Variants in CACHD1 observed in about 807,000 individuals in gnomAD.
CACHD1 encodes cache domain containing 1.
In CACHD1, 71 loss-of-function variants were observed where a neutral mutation model predicts 138.7. The ratio of observed to expected loss-of-function variants is 0.51; its 90% CI spans 0.42 to 0.62. The LOEUF is 0.62. Among genes scored for constraint, CACHD1 ranks in the 20% least tolerant of loss-of-function variants. CACHD1 has a pLI of 0.00. For synonymous variants in CACHD1, 578 were observed against 591.5 expected (o/e 0.98, Z 0.33); for missense variants, 1,389 against 1,625.3 (o/e 0.85, Z 2.50).
At chr1:64,676,618 G>A (rs990858420) in intron 21 of CACHD1, among the ~76,000 whole-genome samples, 1 of 152,164 alleles carries the variant, frequency 6.6e-6, no homozygotes, top group Non-Finnish European at 1.5e-5. Flanking sequence ...CTGCAGGCAT[G>A]TGATTCCCAA....
intron 1 of CACHD1, among the ~76,000 whole-genome samples, chr1:64,529,662 A>AG (rs1321363792): frequency 6.6e-6 from 1 of 152,238 alleles, no homozygotes; most frequent in Non-Finnish European, 1.5e-5. Context: ...GAAGGAACTT[A>AG]GGGCTTAGGT....
chr1:64,589,576 C>T (rs1647080702), intron 3 of CACHD1, among the ~76,000 whole-genome samples: 1 of 151,832 alleles, frequency 6.6e-6, no homozygotes, highest in South Asian at 2.1e-4. Flanking sequence ...ACATGGTAGG[C>T]TGGCAAGCTG....
chr1:64,496,072 T>G (rs745341772), intron 1 of CACHD1, among the ~76,000 whole-genome samples: 1 of 152,166 alleles, frequency 6.6e-6, no homozygotes, highest in Admixed American at 6.5e-5. Context: ...CTGGCCCATG[T>G]CCCAGACAAT....
chr1:64,617,275 A>G (rs1200271052), intron 4 of CACHD1, among the ~76,000 whole-genome samples: 1 of 151,966 alleles, frequency 6.6e-6, no homozygotes, highest in Non-Finnish European at 1.5e-5. Flanking sequence ...TAGGCTTGAG[A>G]ACTAAATTTT....
intron 7 of CACHD1, among the ~76,000 whole-genome samples, chr1:64,640,722 C>G (rs1285354998): frequency 4.7e-5 from 7 of 150,440 alleles, no homozygotes; most frequent in Non-Finnish European, 7.4e-5. Context: ...CACACACACA[C>G]ACACACACAC....
chr1:64,602,642 C>G (rs1230256752), intron 3 of CACHD1, among the ~76,000 whole-genome samples, 164 bp from the exon 4 acceptor site: 1 of 152,104 alleles, frequency 6.6e-6, no homozygotes, highest in Non-Finnish European at 1.5e-5. Context: ...GTGTTCCCCC[C>G]ACCACACACA....
At position 64,659,293 on chromosome 1, in the gene CACHD1, A is replaced by G. The variant is rs565527169; in HGVS notation, c.1951+420A>G. Among the ~76,000 whole-genome samples, 9 of 152,274 alleles carry G rather than the reference A, an allele frequency of 5.9e-5. No homozygotes were observed. In the East Asian group the frequency reaches 1.7e-3, roughly 29 times the overall value. ...TCTTAGTCACTTTCAACTTTCTTCT[A>G]GTGCTAGGTACAGAGTTTTCAGTAG... is the stretch of plus-strand genomic sequence containing the variant. On this transcript the variant is annotated intron_variant, in intron 13 of 26. Transcript: ENST00000651257.
intron 17 of CACHD1, among the ~76,000 whole-genome samples, chr1:64,672,710 C>T (rs1203556757): frequency 6.6e-6 from 1 of 152,114 alleles, no homozygotes; most frequent in Non-Finnish European, 1.5e-5. Flanking sequence ...ACATCCCCTG[C>T]GTGTTGTTAT....
chr1:64,561,228 T>C (rs1258315607), intron 2 of CACHD1, among the ~76,000 whole-genome samples: 1 of 152,034 alleles, frequency 6.6e-6, no homozygotes, highest in African/African-American at 2.4e-5. Flanking sequence ...CTGTTAATAT[T>C]CTATCAACTT....
At chr1:64,489,199 C>CTG (rs1283359971) in intron 1 of CACHD1, among the ~76,000 whole-genome samples, 1 of 152,188 alleles carries the variant, frequency 6.6e-6, no homozygotes, top group African/African-American at 2.4e-5. Context: ...CATTCTTCCT[C>CTG]TGTGTGTTTT....
At chr1:64,678,599 CTG>C (rs1650071573) in intron 23 of CACHD1, among the ~76,000 whole-genome samples, 1 of 152,162 alleles carries the variant, frequency 6.6e-6, no homozygotes, top group African/African-American at 2.4e-5. Context: ...ACTCTGGAGT[CTG>C]TTTGGATATG....
rs1158151495 is a variant in CACHD1 at position 64,673,223 on chromosome 1, A to G, written c.2576A>G (p.His859Arg). 8 of 1,614,126 alleles carry G rather than the reference A, an allele frequency of 5.0e-6. No individual in the cohort carries two copies. The highest frequency in any genetic ancestry group is 5.9e-6 in the Non-Finnish European group (7 of 1,180,014). Residue 859 changes from histidine (H) to arginine (R), a missense_variant, in exon 18 of 27, where the codon CAT (histidine) becomes CGT (arginine). This residue lies in a region of CACHD1 where 1,000 missense variants were observed against 1,114.7 expected (regional missense o/e 0.90). Coordinates refer to ENST00000651257, the MANE Select transcript of CACHD1 (RefSeq NM_020925.4). ...AHPTLIDPKG[H>R]APVEQQHITH... is the part of the protein sequence containing the mutation. Reference sequence around the variant, plus strand: ...CCGACTCTCATCGACCCCAAAGGACATGCACCTGTGGAGCAGCAGCACATC... The same window carrying G: ...CCGACTCTCATCGACCCCAAAGGACGTGCACCTGTGGAGCAGCAGCACATC...
chr1:64,607,151 T>TC (rs1647366659), intron 4 of CACHD1, among the ~76,000 whole-genome samples: 1 of 152,056 alleles, frequency 6.6e-6, no homozygotes, highest in Admixed American at 6.6e-5. Context: ...AGAGAAGGGC[T>TC]CCAGGGACTG....
chr1:64,679,381 G>A (rs1650093968), intron 23 of CACHD1, among the ~76,000 whole-genome samples: 1 of 152,180 alleles, frequency 6.6e-6, no homozygotes, highest in South Asian at 2.1e-4. Flanking sequence ...CTCCTGCTCT[G>A]CCTAGCAACC....
intron 1 of CACHD1, among the ~76,000 whole-genome samples, chr1:64,534,107 G>A (rs554790662): frequency 1.3e-5 from 2 of 148,922 alleles, no homozygotes; most frequent in Non-Finnish European, 3.0e-5. Context: ...GTAGTGGCAT[G>A]TTCTTGGCTC....
chr1:64,671,450 G>T, intron 16 of CACHD1, 114 bp from the exon 17 acceptor site: 1 of 1,100,470 alleles, frequency 9.1e-7, no homozygotes. Context: ...GGAAAAGTAG[G>T]GAGGAACAGT....
chr1:64,492,155 G>GA (rs529010674), intron 1 of CACHD1, among the ~76,000 whole-genome samples: 1 of 150,706 alleles, frequency 6.6e-6, no homozygotes, highest in Non-Finnish European at 1.5e-5. Context: ...AAAAGGTGAA[G>GA]AAAAAAATTG....
chr1:64,549,901 G>A (rs549899475), intron 1 of CACHD1, among the ~76,000 whole-genome samples: 1 of 152,006 alleles, frequency 6.6e-6, no homozygotes, highest in African/African-American at 2.4e-5. Flanking sequence ...GTACAGTTTG[G>A]TAAAGTCATA....
intron 2 of CACHD1, among the ~76,000 whole-genome samples, chr1:64,572,746 AG>A (rs1646935985): frequency 6.6e-6 from 1 of 152,158 alleles, no homozygotes; most frequent in South Asian, 2.1e-4. Context: ...TCGCAGGATC[AG>A]GGTATGTGAC....
Sources: allele counts gnomAD v4.1 joint callset (sites outside exome capture counted in the v4.1 genomes callset), GRCh38; gene constraint gnomAD v4.1.1; regional missense constraint gnomAD v4.1.1; transcripts MANE v1.5; gene names NCBI Gene and HGNC (gene_info 2026-07-23, HGNC 2026-07-21).